The following PHF21A variants were observed in gnomAD, a reference collection of about 807,000 sequenced individuals.
The protein encoded by PHF21A is PHD finger protein 21A, also known as BHC80a.
PHF21A carries 11 observed loss-of-function variants against 82.5 expected under a neutral mutation model. The ratio of observed to expected loss-of-function variants is 0.13; its 90% confidence interval spans 0.08 to 0.22. PHF21A has a LOEUF of 0.22. Among genes scored for constraint, PHF21A ranks in the 10% least tolerant of loss-of-function variants. The probability of loss-of-function intolerance (pLI) is 1.00; values close to 1 mark genes in which losing one functional copy is unlikely to be tolerated. For synonymous variants in PHF21A, 297 were observed against 302.8 expected, an observed-to-expected ratio of 0.98 and a Z score of 0.20; for missense variants, 579 against 837.8, an observed-to-expected ratio of 0.69 and a Z score of 3.81.
intron 6 of PHF21A, among the ~76,000 whole-genome samples, chr11:46,068,314 A>G (rs1274972244): frequency 6.6e-6 from 1 of 152,198 alleles, no homozygotes; most frequent in Non-Finnish European, 1.5e-5. Flanking sequence ...ATGATAAAGA[A>G]GTCTGAAAAG....
At chr11:46,044,334 G>T (rs531238239) in intron 6 of PHF21A, among the ~76,000 whole-genome samples, 10 of 152,154 alleles carry the variant, frequency 6.6e-5, no homozygotes, top group South Asian at 4.1e-4. Context: ...CAAGGTAAAA[G>T]AAGTAATTAG....
At chr11:45,966,195 C>CTGTG (rs59470131) in intron 9 of PHF21A, among the ~76,000 whole-genome samples, 2 of 151,982 alleles carry the variant, frequency 1.3e-5, no homozygotes, top group African/African-American at 4.8e-5. Flanking sequence ...GTACTGAAGA[C>CTGTG]TCACACTTTT....
At position 45,990,247 on chromosome 11, in the gene PHF21A, CTTCTTTTTT is replaced by C. The variant is rs1323073740; in HGVS notation, c.154-10290_154-10282del. 3.5e-5 allele frequency among the ~76,000 whole-genome samples: 4 copies of C among 115,316 alleles called. No individual in the cohort carries two copies. In the East Asian group the frequency reaches 1.2e-3, roughly 34 times the overall value. The allele number at this position is 115,316 out of a possible 152,430, so 75.7% of individuals were successfully genotyped here. ...TAAAAATCATTTATAGCATTTTCAT[CTTCTTTTTT>C]TTTTTTTTTTTTTTTTTTTTCAAAC... On this transcript the variant is annotated intron_variant, in intron 6 of 18. Coordinates refer to ENST00000676320, the MANE Select transcript of PHF21A (RefSeq NM_001352027.3).
At chr11:46,091,807 C>A (rs1308021622) in intron 2 of PHF21A, among the ~76,000 whole-genome samples, 11 of 148,622 alleles carry the variant, frequency 7.4e-5, no homozygotes, top group African/African-American at 2.8e-4. Context: ...CCTGCCTCAG[C>A]TTCCTAAGTA....
chr11:46,079,355 T>C lies in PHF21A; in HGVS notation c.55-189A>G, dbSNP rs780707606. 3.3e-5 allele frequency among the ~76,000 whole-genome samples: 5 copies of C among 152,154 alleles called. No individual in the cohort carries two copies. The South Asian group carries it at 6.2e-4, about 19-fold the overall frequency. On this transcript the variant is annotated intron_variant, in intron 4 of 18. Transcript: ENST00000676320. The stretch of plus-strand genomic sequence containing the variant: ...GGAGACACTTCCTTTAATAAAAAAA[T>C]CAAACCACCACTTTATATTTGAAAT...
At chr11:46,016,882 G>T (rs1291179262) in intron 6 of PHF21A, among the ~76,000 whole-genome samples, 8 of 151,784 alleles carry the variant, frequency 5.3e-5, no homozygotes, top group Non-Finnish European at 1.5e-5. Flanking sequence ...ATCAAAATTT[G>T]TATCAGCAAT....
intron 6 of PHF21A, among the ~76,000 whole-genome samples, chr11:46,067,125 T>C (rs1022601411): frequency 2.6e-5 from 4 of 152,236 alleles, no homozygotes; most frequent in East Asian, 1.9e-4. Flanking sequence ...GCACCTTGAT[T>C]CAATCACATT....
chr11:46,101,835 C>T (rs1326368673), intron 1 of PHF21A, among the ~76,000 whole-genome samples: 1 of 148,750 alleles, frequency 6.7e-6, no homozygotes, highest in Non-Finnish European at 1.5e-5. Flanking sequence ...AGGGTTTCAC[C>T]ATGTTGCCCG....
intron 15 of PHF21A, among the ~76,000 whole-genome samples, chr11:45,943,749 G>C (rs2090813496): frequency 6.6e-6 from 1 of 152,162 alleles, no homozygotes; most frequent in African/African-American, 2.4e-5. Flanking sequence ...CACATTTACA[G>C]GTGGAAAAAT....
intron 6 of PHF21A, among the ~76,000 whole-genome samples, chr11:46,071,525 A>C (rs2096656281): frequency 6.6e-6 from 1 of 152,216 alleles, no homozygotes; most frequent in African/African-American, 2.4e-5. Context: ...TCTTAAAGAG[A>C]TAATCAAATC....
At chr11:46,038,348 G>A (rs2096060310) in intron 6 of PHF21A, among the ~76,000 whole-genome samples, 1 of 151,940 alleles carries the variant, frequency 6.6e-6, no homozygotes, top group Admixed American at 6.6e-5. Flanking sequence ...GGCTGGTTTT[G>A]AACTCCTGAC....
chr11:45,935,344 T>C (rs1296324726), intron 18 of PHF21A: 1 of 950,850 alleles, frequency 1.1e-6, no homozygotes, highest in Non-Finnish European at 1.5e-6. Flanking sequence ...CGCAGGGCCA[T>C]GGCTACACTG....
chr11:45,957,751 C>CAAAAAAAAAAAA, intron 10 of PHF21A, among the ~76,000 whole-genome samples: 131 of 60,722 alleles, frequency 2.2e-3, no homozygotes, highest in Middle Eastern at 0.013. Context: ...AAATTCAAAG[C>CAAAAAAAAAAAA]AAAAAAAAAA....
chr11:45,971,187 G>C lies in PHF21A; in HGVS notation c.541C>G (p.Gln181Glu). The C allele has an allele frequency of 6.2e-7, 1 of 1,614,234 alleles. No homozygotes were observed. The highest frequency in any genetic ancestry group is 8.5e-7 in the Non-Finnish European group (1 of 1,180,036). Residue 181 changes from glutamine (Q) to glutamate (E), a missense_variant, in exon 8 of 19, where the codon CAG becomes GAG. Physicochemically the swap from Gln to Glu is conservative, Grantham distance 29 (BLOSUM62 2). This residue lies in a region of PHF21A where 410 missense variants were observed against 642.1 expected (regional missense o/e 0.64). Transcript: ENST00000676320. Reference protein sequence around the residue: ...TDVQNTPVNLQTSSKVTGPGA... With the variant: ...TDVQNTPVNLETSSKVTGPGA... ...GGCCCAGTGACCTTACTAGACGTCTGGAGGTTGACTGGTGTGTTCTGCACA... is the reference window on the plus strand; with the variant it reads ...GGCCCAGTGACCTTACTAGACGTCTCGAGGTTGACTGGTGTGTTCTGCACA...
chr11:45,976,897 A>C (rs2094053085), intron 7 of PHF21A, among the ~76,000 whole-genome samples: 1 of 152,168 alleles, frequency 6.6e-6, no homozygotes, highest in Non-Finnish European at 1.5e-5. Context: ...AAAAACCAAA[A>C]ACTCAGAGGA....
intron 2 of PHF21A, among the ~76,000 whole-genome samples, chr11:46,090,925 A>G (rs1027088266): frequency 3.9e-5 from 6 of 152,170 alleles, no homozygotes; most frequent in African/African-American, 1.4e-4. Context: ...TTCACAAAAA[A>G]AATTTGCAAC....
At chr11:46,062,086 T>C (rs2096541966) in intron 6 of PHF21A, among the ~76,000 whole-genome samples, 1 of 152,052 alleles carries the variant, frequency 6.6e-6, no homozygotes, top group Non-Finnish European at 1.5e-5. Flanking sequence ...AACTGTTTTT[T>C]GTTTTGTTTT....
At chr11:45,969,189 C>A (rs558333391) in intron 9 of PHF21A, among the ~76,000 whole-genome samples, 1 of 152,268 alleles carries the variant, frequency 6.6e-6, no homozygotes, top group East Asian at 1.9e-4. Flanking sequence ...CCAAGGAAGT[C>A]AACACTCCTC....
In PHF21A at chr11:46,093,332, A is replaced by C. The variant is rs184924550; in HGVS notation, c.-236-1109T>G. Among the ~76,000 whole-genome samples, 7 of 152,342 alleles carry C rather than the reference A, an allele frequency of 4.6e-5. No individual in the cohort carries two copies. The East Asian group carries it at 1.3e-3, about 29-fold the overall frequency. Reference sequence around the variant, plus strand: ...CAATAGTGTCTCATTGCCTCAGGGAATATTTCAAAAGAGCTTCATGTCTCC... The same window carrying C: ...CAATAGTGTCTCATTGCCTCAGGGACTATTTCAAAAGAGCTTCATGTCTCC... On this transcript the variant is annotated intron_variant, in intron 1 of 18. Coordinates refer to ENST00000676320, the MANE Select transcript of PHF21A (RefSeq NM_001352027.3).
Sources: gnomAD v4.1 joint callset for allele counts (sites outside exome capture counted in the v4.1 genomes callset) on GRCh38, gnomAD v4.1.1 for gene constraint, gnomAD v4.1.1 regional missense constraint, MANE v1.5 for transcripts, NCBI Gene and HGNC (gene_info 2026-07-23, HGNC 2026-07-21) for gene names.